The following PEX5L variants were observed in gnomAD, a reference collection of about 807,000 sequenced individuals.
PEX5L encodes peroxisomal biogenesis factor 5 like, also known as PEX5-related protein.
PEX5L carries 30 observed loss-of-function variants against 84.0 expected under a neutral mutation model. The observed-to-expected ratio is 0.36, with a 90% confidence interval of 0.27 to 0.48. The LOEUF is 0.48. Ranked by LOEUF, PEX5L falls within the 20% of genes least tolerant of loss-of-function variation. The pLI, the probability that PEX5L is intolerant of heterozygous loss-of-function variation, is 0.99. For missense variants in PEX5L, 533 were observed against 754.6 expected (o/e 0.71, Z 3.44); for synonymous variants, 270 against 283.1 (o/e 0.95, Z 0.46).
At chr3:179,928,533 G>C (rs574330685) in intron 2 of PEX5L, among the ~76,000 whole-genome samples, 81 of 152,148 alleles carry the variant, frequency 5.3e-4, no homozygotes, top group South Asian at 1.0e-3. Flanking sequence ...AACAAATGGT[G>C]GGTAGGCAGT....
intron 8 of PEX5L, among the ~76,000 whole-genome samples, chr3:179,838,693 CA>C (rs1735925121): frequency 6.6e-6 from 1 of 151,936 alleles, no homozygotes; most frequent in Non-Finnish European, 1.5e-5. Flanking sequence ...AATGTGTGTG[CA>C]AAACAGTACA....
chr3:179,838,080 A>G (rs1056878844), intron 8 of PEX5L, among the ~76,000 whole-genome samples: 1 of 152,190 alleles, frequency 6.6e-6, no homozygotes, highest in African/African-American at 2.4e-5. Context: ...TTAGATACAG[A>G]CTGTCAATAA....
chr3:179,920,109 C>T (rs1230666071), intron 2 of PEX5L, among the ~76,000 whole-genome samples: 1 of 152,174 alleles, frequency 6.6e-6, no homozygotes, highest in Middle Eastern at 3.2e-3. Context: ...AGGAGGTGTT[C>T]CTTCAGGCTC....
intron 2 of PEX5L, among the ~76,000 whole-genome samples, chr3:179,968,269 A>C (rs1320656511): frequency 6.6e-6 from 1 of 152,138 alleles, no homozygotes; most frequent in East Asian, 1.9e-4. Context: ...AACTAAAAAT[A>C]GTAATTTATA....
At position 179,934,857 on chromosome 3, in the gene PEX5L, A is replaced by G. The variant is rs555280729; in HGVS notation, c.94-36611T>C. 1.3e-3 allele frequency among the ~76,000 whole-genome samples: 198 copies of G among 152,238 alleles called. 2 individuals are homozygous for G. Among genetic ancestry groups the G allele is most frequent in the African/African-American group, 4.6e-3 (192 of 41,530 alleles). On this transcript the variant is annotated intron_variant, in intron 2 of 14. Coordinates refer to ENST00000467460, the MANE Select transcript of PEX5L (RefSeq NM_016559.3). ...ATTGTATTAATGTATTTTAAAAAGC[A>G]TTTTCTTTTTACTAGTTCAGTATCA...
At chr3:179,886,284 C>T (rs568454148) in intron 4 of PEX5L, among the ~76,000 whole-genome samples, 67 of 152,214 alleles carry the variant, frequency 4.4e-4, no homozygotes, top group African/African-American at 1.3e-3. Context: ...AGGAATGAAC[C>T]TCATCTGATA....
intron 7 of PEX5L, among the ~76,000 whole-genome samples, chr3:179,865,007 A>G (rs1216254085): frequency 5.3e-5 from 8 of 152,114 alleles, no homozygotes; most frequent in Non-Finnish European, 1.0e-4. Context: ...AACAGGATCC[A>G]TTACTGTCCT....
chr3:179,969,288 A>G (rs1784152903), intron 2 of PEX5L, among the ~76,000 whole-genome samples: 1 of 152,134 alleles, frequency 6.6e-6, no homozygotes, highest in African/African-American at 2.4e-5. Context: ...TTGAAAAGAT[A>G]TAGGAAGAAT....
At chr3:180,001,439 G>T (rs1250335121) in intron 1 of PEX5L, among the ~76,000 whole-genome samples, 1 of 150,280 alleles carries the variant, frequency 6.7e-6, no homozygotes, top group Non-Finnish European at 1.5e-5. Flanking sequence ...CCGTCTCTCT[G>T]ATAAAAACGA....
intron 8 of PEX5L, among the ~76,000 whole-genome samples, chr3:179,849,628 C>T (rs2056596): frequency 0.48 from 73,051 of 152,070 alleles, 18,960 homozygotes; most frequent in East Asian, 0.75. Context: ...TACTGTCCCA[C>T]TGGTGTTTAG....
intron 3 of PEX5L, among the ~76,000 whole-genome samples, chr3:179,895,169 A>G (rs1459404741): frequency 5.9e-5 from 9 of 152,184 alleles, no homozygotes; most frequent in African/African-American, 2.2e-4. Flanking sequence ...GATTTAGCCA[A>G]TATATCAAAA....
At chr3:180,024,281 G>T (rs1280993048) in intron 1 of PEX5L, among the ~76,000 whole-genome samples, 6 of 148,902 alleles carry the variant, frequency 4.0e-5, no homozygotes, top group African/African-American at 1.5e-4. Context: ...AGGCCGAGGT[G>T]GGTGGATCAC....
intron 1 of PEX5L, among the ~76,000 whole-genome samples, chr3:179,990,701 C>T (rs1787303966): frequency 6.6e-6 from 1 of 152,166 alleles, no homozygotes; most frequent in South Asian, 2.1e-4. Flanking sequence ...CTGCCCCCAG[C>T]CCATTCTGAT....
intron 3 of PEX5L, among the ~76,000 whole-genome samples, chr3:179,890,609 G>A (rs1432756640): frequency 6.6e-6 from 1 of 152,076 alleles, no homozygotes; most frequent in East Asian, 1.9e-4. Context: ...GTAAGTATGA[G>A]CTATATTCCG....
intron 1 of PEX5L, among the ~76,000 whole-genome samples, chr3:179,996,538 G>T (rs1787905302): frequency 2.0e-5 from 3 of 152,178 alleles, no homozygotes; most frequent in Non-Finnish European, 4.4e-5. Context: ...TAGGGAGATT[G>T]GGATGGTAGA....
chr3:179,953,187 C>T (rs1169152915), intron 2 of PEX5L, among the ~76,000 whole-genome samples: 6 of 152,102 alleles, frequency 3.9e-5, no homozygotes, highest in African/African-American at 1.4e-4. Context: ...GGGACATAGG[C>T]ATGGGCAAAG....
chr3:179,921,158 A>G (rs998265318), intron 2 of PEX5L, among the ~76,000 whole-genome samples: 9 of 152,132 alleles, frequency 5.9e-5, no homozygotes, highest in African/African-American at 2.2e-4. Context: ...GAAGTCCTAA[A>G]AATATCTTTA....
chr3:179,877,418 G>A (rs1752778351), intron 5 of PEX5L, among the ~76,000 whole-genome samples: 1 of 152,118 alleles, frequency 6.6e-6, no homozygotes, highest in African/African-American at 2.4e-5. Context: ...AGAAATAAAT[G>A]TTCATCATTT....
At chr3:180,013,270 ATG>A (rs369697281) in intron 1 of PEX5L, among the ~76,000 whole-genome samples, 1 of 152,332 alleles carries the variant, frequency 6.6e-6, no homozygotes, top group African/African-American at 2.4e-5. Context: ...ATAAGTCTTC[ATG>A]TGTGTGCACA....
Sources: gnomAD v4.1 joint callset for allele counts (sites outside exome capture counted in the v4.1 genomes callset) on GRCh38, gnomAD v4.1.1 for gene constraint, MANE v1.5 for transcripts, NCBI Gene and HGNC (gene_info 2026-07-23, HGNC 2026-07-21) for gene names.